LUZP2: variants seen among roughly 807,000 people sequenced by gnomAD.
The protein encoded by LUZP2 is leucine zipper protein 2.
LUZP2 carries 52 observed loss-of-function variants against 51.6 expected under a neutral mutation model. The ratio of observed to expected loss-of-function variants is 1.01; its 90% CI spans 0.81 to 1.27. The LOEUF is 1.27. Among genes scored for constraint, LUZP2 ranks in the 50% most tolerant of loss-of-function variants. LUZP2 has a pLI of 0.00. For missense variants in LUZP2, 436 were observed against 395.4 expected (o/e 1.10, Z -0.87); for synonymous variants, 154 against 137.3 (o/e 1.12, Z -0.85).
At chr11:24,902,194 T>A (rs191133694) in intron 5 of LUZP2, among the ~76,000 whole-genome samples, 6 of 152,022 alleles carry the variant, frequency 3.9e-5, no homozygotes, top group Admixed American at 2.6e-4. Context: ...CATGTGCAGG[T>A]TTTTTATAAA....
chr11:24,657,868 G>T (rs1194323826), intron 1 of LUZP2, among the ~76,000 whole-genome samples: 1 of 152,070 alleles, frequency 6.6e-6, no homozygotes, highest in Non-Finnish European at 1.5e-5. Flanking sequence ...AACTTACAAG[G>T]GATGTGAAGA....
At chr11:24,803,860 T>A (rs1469892510) in intron 5 of LUZP2, among the ~76,000 whole-genome samples, 2 of 152,060 alleles carry the variant, frequency 1.3e-5, no homozygotes, top group African/African-American at 2.4e-5. Context: ...ATAAAAGTAT[T>A]TCTGCCTAAT....
chr11:24,996,167 G>C (rs1269507970), intron 9 of LUZP2, among the ~76,000 whole-genome samples: 1 of 150,912 alleles, frequency 6.6e-6, no homozygotes, highest in Non-Finnish European at 1.5e-5. Context: ...ATTTTCTCCT[G>C]ATTATCAATC....
chr11:24,549,181 C>G (rs1416375155), intron 1 of LUZP2, among the ~76,000 whole-genome samples: 1 of 151,796 alleles, frequency 6.6e-6, no homozygotes, highest in East Asian at 1.9e-4. Context: ...ATAACCTTTT[C>G]CTGTTTTTAA....
At chr11:24,681,037 A>G (rs1446218181) in intron 1 of LUZP2, among the ~76,000 whole-genome samples, 2 of 147,516 alleles carry the variant, frequency 1.4e-5, no homozygotes, top group Non-Finnish European at 3.0e-5. Context: ...TGCGGACTGC[A>G]GTGGCGCAAT....
chr11:24,610,257 A>C (rs2133885484), intron 1 of LUZP2, among the ~76,000 whole-genome samples: 1 of 152,336 alleles, frequency 6.6e-6, no homozygotes, highest in South Asian at 2.1e-4. Context: ...TTGTGGGGGA[A>C]AATCAGTATC....
chr11:24,840,768 A>G (rs1851004995), intron 5 of LUZP2, among the ~76,000 whole-genome samples: 1 of 151,998 alleles, frequency 6.6e-6, no homozygotes, highest in Non-Finnish European at 1.5e-5. Context: ...ATGTCTCCAT[A>G]TTTAGGGCAC....
chr11:24,811,977 A>G (rs1482241473), intron 5 of LUZP2, among the ~76,000 whole-genome samples: 1 of 152,144 alleles, frequency 6.6e-6, no homozygotes. Flanking sequence ...AAAACAAACA[A>G]ACAAAAAAGG....
At chr11:24,595,235 T>C (rs1853402610) in intron 1 of LUZP2, among the ~76,000 whole-genome samples, 1 of 151,538 alleles carries the variant, frequency 6.6e-6, no homozygotes, top group African/African-American at 2.4e-5. Context: ...ATGGTTTTTA[T>C]TACATGGGCC....
intron 4 of LUZP2, among the ~76,000 whole-genome samples, chr11:24,755,496 A>G (rs1253514996): frequency 6.6e-6 from 1 of 152,154 alleles, no homozygotes; most frequent in African/African-American, 2.4e-5. Flanking sequence ...TATTTTAGCT[A>G]TTATAGATAA....
intron 6 of LUZP2, among the ~76,000 whole-genome samples, chr11:24,908,220 C>T (rs1367379115): frequency 6.6e-6 from 1 of 152,060 alleles, no homozygotes; most frequent in Admixed American, 6.6e-5. Context: ...CAGAAGATTG[C>T]CATTGTTTTA....
intron 4 of LUZP2, among the ~76,000 whole-genome samples, chr11:24,758,603 T>C (rs975368164): frequency 6.6e-6 from 1 of 152,078 alleles, no homozygotes; most frequent in Non-Finnish European, 1.5e-5. Flanking sequence ...AGACTATAGT[T>C]GTAATTGAAG....
At chr11:24,792,086 G>T (rs1229182906) in intron 5 of LUZP2, among the ~76,000 whole-genome samples, 1 of 151,434 alleles carries the variant, frequency 6.6e-6, no homozygotes, top group African/African-American at 2.4e-5. Context: ...ATAGAGAAAT[G>T]CATTTAGCTC....
At chr11:24,554,356 T>A (rs1851806515) in intron 1 of LUZP2, among the ~76,000 whole-genome samples, 1 of 152,156 alleles carries the variant, frequency 6.6e-6, no homozygotes, top group Non-Finnish European at 1.5e-5. Context: ...GTATTTGGCA[T>A]GAAAGTAATA....
intron 5 of LUZP2, among the ~76,000 whole-genome samples, chr11:24,905,434 A>G (rs1287583237): frequency 6.6e-6 from 1 of 152,182 alleles, no homozygotes; most frequent in Non-Finnish European, 1.5e-5. Flanking sequence ...AGGCTGAGGC[A>G]GGAGAATAGC....
rs1854099865 is a variant in LUZP2 at position 24,611,025 on chromosome 11, G to A, written c.62+113720G>A. On this transcript the variant is annotated intron_variant, in intron 1 of 11. Coordinates refer to ENST00000336930, the MANE Select transcript of LUZP2 (RefSeq NM_001009909.4). This position sits in a 1 kb window ranked among gnomAD's most constrained non-coding sequence, Gnocchi z 4.6. Reference sequence around the variant, plus strand: ...CATGATATGTTTTAGGTCTTAAATTGTTATAATGTACCTTACATGACATAG... The same window carrying A: ...CATGATATGTTTTAGGTCTTAAATTATTATAATGTACCTTACATGACATAG... Among the ~76,000 whole-genome samples the A allele has an allele frequency of 6.6e-6, 1 of 151,708 alleles. No homozygotes were observed. The highest frequency in any genetic ancestry group is 1.5e-5 in the Non-Finnish European group (1 of 67,946).
chr11:24,610,354 T>C (rs7112660), intron 1 of LUZP2, among the ~76,000 whole-genome samples: 67,991 of 151,992 alleles, frequency 0.45, 18,086 homozygotes, highest in African/African-American at 0.75. Context: ...GGGTAACTTA[T>C]GCAGAAAAAA....
chr11:24,789,771 G>A (rs955879093), intron 5 of LUZP2, among the ~76,000 whole-genome samples: 13 of 152,196 alleles, frequency 8.5e-5, no homozygotes, highest in African/African-American at 3.1e-4. Flanking sequence ...TCCCCACATG[G>A]TGGAAGAAGC....
At chr11:24,867,464 C>T (rs1851934282) in intron 5 of LUZP2, among the ~76,000 whole-genome samples, 1 of 152,132 alleles carries the variant, frequency 6.6e-6, no homozygotes, top group African/African-American at 2.4e-5. Flanking sequence ...TCACGCTCTG[C>T]CTCTGGTTTT....
Sources: gnomAD v4.1 joint callset for allele counts (sites outside exome capture counted in the v4.1 genomes callset) on GRCh38, gnomAD v4.1.1 for gene constraint, Gnocchi (gnomAD v3.1) non-coding constraint, MANE v1.5 for transcripts, NCBI Gene and HGNC (gene_info 2026-07-23, HGNC 2026-07-21) for gene names.